The following MME variants were observed in gnomAD, a reference collection of about 807,000 sequenced individuals.
MME encodes membrane metalloendopeptidase.
A neutral mutation model predicts 113.2 loss-of-function variants in MME; 98 were observed. That is an observed-to-expected ratio of 0.87 (90% CI 0.74 to 1.02). The LOEUF (loss-of-function observed/expected upper bound fraction) is 1.02, where lower values mean the gene tolerates loss of function less well. Ranked by LOEUF, MME falls within the 50% of genes least tolerant of loss-of-function variation. MME has a pLI of 0.00. For missense variants in MME, 836 were observed against 896.0 expected (o/e 0.93, Z 0.86); for synonymous variants, 292 against 300.6 (o/e 0.97, Z 0.30).
intron 3 of MME, among the ~76,000 whole-genome samples, chr3:155,109,875 C>CA (rs1185361946): frequency 2.6e-5 from 4 of 152,342 alleles, no homozygotes; most frequent in African/African-American, 9.6e-5. Flanking sequence ...ATAGCTTAGG[C>CA]AGGAACCCTG....
chr3:155,102,848 G>C (rs543921330), intron 3 of MME, among the ~76,000 whole-genome samples: 7 of 152,134 alleles, frequency 4.6e-5, no homozygotes, highest in Admixed American at 1.3e-4. Context: ...GAAACCTTGA[G>C]AGCTACCTCT....
chr3:155,074,534 C>T (rs987959625), intron 1 of MME, among the ~76,000 whole-genome samples: 33 of 151,960 alleles, frequency 2.2e-4, no homozygotes, highest in Admixed American at 1.8e-3. Flanking sequence ...CACATTCAAG[C>T]GATTCTCCTA....
At chr3:155,166,032 T>C (rs765786480) in intron 17 of MME, among the ~76,000 whole-genome samples, 1 of 152,224 alleles carries the variant, frequency 6.6e-6, no homozygotes, top group Non-Finnish European at 1.5e-5. Flanking sequence ...ATTTATTCAC[T>C]AAACTCTGTA....
At chr3:155,175,452 AT>A (rs1348324701) in intron 22 of MME, among the ~76,000 whole-genome samples, 1 of 151,906 alleles carries the variant, frequency 6.6e-6, no homozygotes, top group Non-Finnish European at 1.5e-5. Context: ...TATTGACTTC[AT>A]TTTGGAAATC....
chr3:155,061,881 G>A (rs1203018676), intron 1 of MME, among the ~76,000 whole-genome samples: 1 of 151,962 alleles, frequency 6.6e-6, no homozygotes, highest in Non-Finnish European at 1.5e-5. Flanking sequence ...GGCTGGTTTC[G>A]AACTCCTGGC....
At chr3:155,048,667 A>T (rs553259466) in intron 1 of MME, among the ~76,000 whole-genome samples, 1 of 152,210 alleles carries the variant, frequency 6.6e-6, no homozygotes, top group East Asian at 1.9e-4. Context: ...TGAAGTTTAG[A>T]GTAGATTATT....
chr3:155,118,506 CTTTT>C (rs1718812463), intron 7 of MME, among the ~76,000 whole-genome samples: 1 of 152,158 alleles, frequency 6.6e-6, no homozygotes, highest in Admixed American at 6.6e-5. Flanking sequence ...TGTTCACTTT[CTTTT>C]GTTTTCCTTA....
At chr3:155,136,054 GAT>G (rs1429444186) in intron 8 of MME, among the ~76,000 whole-genome samples, 1 of 152,134 alleles carries the variant, frequency 6.6e-6, no homozygotes, top group Admixed American at 6.6e-5. Context: ...GAGTCTTCAG[GAT>G]TTTCTAGGTA....
chr3:155,046,409 C>T (rs532487776), intron 1 of MME, among the ~76,000 whole-genome samples: 12 of 152,212 alleles, frequency 7.9e-5, no homozygotes, highest in South Asian at 2.1e-4. Flanking sequence ...CATTGCTGGC[C>T]GGGAGTGATG....
At chr3:155,137,696 ACT>A (rs1720739149) in intron 8 of MME, among the ~76,000 whole-genome samples, 1 of 152,096 alleles carries the variant, frequency 6.6e-6, no homozygotes, top group Non-Finnish European at 1.5e-5. Context: ...ACAGTGTGAG[ACT>A]CTGTCTCAAT....
intron 16 of MME, among the ~76,000 whole-genome samples, chr3:155,153,565 A>G (rs1486306924): frequency 6.6e-6 from 1 of 152,214 alleles, no homozygotes; most frequent in Non-Finnish European, 1.5e-5. Flanking sequence ...ATGTACAAGA[A>G]CAAAACAAAA....
intron 1 of MME, among the ~76,000 whole-genome samples, chr3:155,038,317 G>A (rs1257598298): frequency 6.6e-6 from 1 of 152,150 alleles, no homozygotes; most frequent in African/African-American, 2.4e-5. Context: ...AAGAGCCCAG[G>A]CTGTGGCAGG....
chr3:155,037,286 T>G (rs1713159158), intron 1 of MME, among the ~76,000 whole-genome samples: 1 of 152,334 alleles, frequency 6.6e-6, no homozygotes, highest in South Asian at 2.1e-4. Context: ...GTGGTTTATG[T>G]TTTTTAGGTT....
At chr3:155,063,232 TTA>T (rs1483561610) in intron 1 of MME, among the ~76,000 whole-genome samples, 1 of 111,946 alleles carries the variant, frequency 8.9e-6, no homozygotes, top group South Asian at 2.4e-4. Flanking sequence ...ATGTATATTA[TTA>T]TATATTATAT....
chr3:155,036,809 T>G (rs1713144457), intron 1 of MME, among the ~76,000 whole-genome samples: 1 of 152,162 alleles, frequency 6.6e-6, no homozygotes, highest in Non-Finnish European at 1.5e-5. Flanking sequence ...TCAAAAATTT[T>G]TTTACCTATC....
chr3:155,166,222 T>C (rs754544879), intron 17 of MME, among the ~76,000 whole-genome samples: 1 of 152,110 alleles, frequency 6.6e-6, no homozygotes, highest in Non-Finnish European at 1.5e-5. Flanking sequence ...TAAACAAATA[T>C]ATGTACAGAC....
chr3:155,081,127 T>G (rs1431120855), intron 1 of MME: 3 of 152,232 alleles, frequency 2.0e-5, no homozygotes, highest in Non-Finnish European at 4.4e-5. Context: ...ATATGGAAAC[T>G]GTTTCTCCTT....
chr3:155,096,053 C>A (rs1048120212), intron 3 of MME, among the ~76,000 whole-genome samples: 1 of 152,076 alleles, frequency 6.6e-6, no homozygotes, highest in Non-Finnish European at 1.5e-5. Flanking sequence ...GGCAAGAGCT[C>A]AGGAAGTTTA....
intron 1 of MME, among the ~76,000 whole-genome samples, chr3:155,025,689 CTTTT>C (rs775452382): frequency 1.8e-5 from 2 of 109,054 alleles, no homozygotes; most frequent in African/African-American, 3.4e-5. Flanking sequence ...TTCTTTCTTT[CTTTT>C]TTTTTTTTTT....
Sources: gnomAD v4.1 joint callset for allele counts (sites outside exome capture counted in the v4.1 genomes callset) on GRCh38, gnomAD v4.1.1 for gene constraint, MANE v1.5 for transcripts, NCBI Gene and HGNC (gene_info 2026-07-23, HGNC 2026-07-21) for gene names.